Variants in ANKS1B observed in about 807,000 individuals in gnomAD.
ANKS1B encodes ankyrin repeat and sterile alpha motif domain containing 1B.
A neutral mutation model predicts 148.3 loss-of-function variants in ANKS1B; 36 were observed. That is an observed-to-expected ratio of 0.24 (90% CI 0.19 to 0.32). The LOEUF (loss-of-function observed/expected upper bound fraction) is 0.32, where lower values mean the gene tolerates loss of function less well. ANKS1B is among the 10% of genes least tolerant of loss of function. The pLI is 1.00. For synonymous variants in ANKS1B, 542 were observed against 560.8 expected (o/e 0.97, Z 0.47); for missense variants, 1,157 against 1,542.6 (o/e 0.75, Z 4.19).
At chr12:98,960,390 C>CAAGT (rs1444698623) in intron 17 of ANKS1B, among the ~76,000 whole-genome samples, 1 of 152,160 alleles carries the variant, frequency 6.6e-6, no homozygotes, top group East Asian at 1.9e-4. Context: ...CCAAGACCAC[C>CAAGT]AAGTACCTCT....
At chr12:99,270,468 T>A (rs762863874) in intron 12 of ANKS1B, among the ~76,000 whole-genome samples, 2 of 152,190 alleles carry the variant, frequency 1.3e-5, no homozygotes, top group African/African-American at 2.4e-5. Flanking sequence ...ATTTGTTTTC[T>A]TGCTTATTTT....
chr12:99,148,261 C>T (rs1356209764), intron 15 of ANKS1B, among the ~76,000 whole-genome samples: 1 of 152,002 alleles, frequency 6.6e-6, no homozygotes, highest in Non-Finnish European at 1.5e-5. Context: ...AATTAAAGGC[C>T]TATTCATGTG....
At chr12:98,957,464 T>C (rs1224443449) in intron 17 of ANKS1B, among the ~76,000 whole-genome samples, 2 of 151,902 alleles carry the variant, frequency 1.3e-5, no homozygotes, top group African/African-American at 4.8e-5. Flanking sequence ...GCTCCTGCCT[T>C]AGCCTTCTGA....
intron 12 of ANKS1B, among the ~76,000 whole-genome samples, chr12:99,253,066 G>T (rs923673998): frequency 6.6e-6 from 1 of 151,996 alleles, no homozygotes; most frequent in Non-Finnish European, 1.5e-5. Context: ...TGTACAAAAA[G>T]TGTTTAAAAG....
Position 99,352,471 on chromosome 12 carries a change from A to T in ANKS1B, c.1756+47160T>A, listed in dbSNP as rs150118313. On this transcript the variant is annotated intron_variant, in intron 12 of 26. Transcript: ENST00000683438. ...AGAAACACCAAACGACTTCAAAAAAAACCACACTGACTTGAGTTCTGGCAT... is the reference window on the plus strand; with the variant it reads ...AGAAACACCAAACGACTTCAAAAAATACCACACTGACTTGAGTTCTGGCAT... 3.3e-3 allele frequency among the ~76,000 whole-genome samples: 499 copies of T among 152,176 alleles called. 1 individual carries two copies. The highest frequency in any genetic ancestry group is 0.012 in the African/African-American group (488 of 41,548).
At chr12:99,242,351 T>C (rs569481905) in intron 14 of ANKS1B, among the ~76,000 whole-genome samples, 30 of 152,292 alleles carry the variant, frequency 2.0e-4, no homozygotes, top group African/African-American at 6.7e-4. Flanking sequence ...GTGAAGGACC[T>C]CTTTAACCAG....
chr12:99,344,209 ATG>A (rs376133352), intron 12 of ANKS1B, among the ~76,000 whole-genome samples: 17 of 151,906 alleles, frequency 1.1e-4, no homozygotes, highest in African/African-American at 3.4e-4. Context: ...GTGTATATGC[ATG>A]TGTGTGTGTT....
At chr12:99,849,257 ATG>A (rs148512511) in intron 1 of ANKS1B, among the ~76,000 whole-genome samples, 1 of 152,134 alleles carries the variant, frequency 6.6e-6, no homozygotes, top group Admixed American at 6.5e-5. Flanking sequence ...AAATATATAT[ATG>A]TGTGTGTGTA....
intron 17 of ANKS1B, among the ~76,000 whole-genome samples, chr12:99,001,026 G>A (rs186051302): frequency 3.3e-5 from 5 of 152,036 alleles, no homozygotes; most frequent in African/African-American, 9.6e-5. Flanking sequence ...TCCAATTTAC[G>A]TATTCATCCA....
At chr12:99,649,285 T>A in intron 9 of ANKS1B, 1 of 1,611,684 alleles carries the variant, frequency 6.2e-7, no homozygotes, top group Non-Finnish European at 8.5e-7. Context: ...GTTCTCTCCC[T>A]AGGGATATGC....
At chr12:99,626,309 G>C (rs1332532747) in intron 9 of ANKS1B, among the ~76,000 whole-genome samples, 1 of 152,022 alleles carries the variant, frequency 6.6e-6, no homozygotes, top group Non-Finnish European at 1.5e-5. Flanking sequence ...GTCCACCATT[G>C]CCATGAAAAA....
intron 26 of ANKS1B, among the ~76,000 whole-genome samples, chr12:98,749,800 T>C (rs1353262720): frequency 1.3e-5 from 2 of 152,128 alleles, no homozygotes; most frequent in Admixed American, 1.3e-4. Context: ...CAAGGAGCTA[T>C]ACTGCATAGG....
At chr12:99,153,241 T>TA (rs2075396362) in intron 15 of ANKS1B, among the ~76,000 whole-genome samples, 1 of 152,124 alleles carries the variant, frequency 6.6e-6, no homozygotes, top group African/African-American at 2.4e-5. Context: ...AGATAGAAAT[T>TA]AAAAAATCTA....
intron 14 of ANKS1B, among the ~76,000 whole-genome samples, chr12:99,206,603 A>G (rs926718868): frequency 2.0e-5 from 3 of 152,188 alleles, no homozygotes; most frequent in Non-Finnish European, 2.9e-5. Context: ...TCCACCCCGA[A>G]GGTAAAAAGA....
At chr12:98,756,992 G>T (rs1037981657) in intron 25 of ANKS1B, among the ~76,000 whole-genome samples, 1 of 151,418 alleles carries the variant, frequency 6.6e-6, no homozygotes, top group Non-Finnish European at 1.5e-5. Context: ...GCCTCCCAAA[G>T]TGCTGGGATT....
At chr12:99,106,988 G>T (rs2059357464) in intron 15 of ANKS1B, among the ~76,000 whole-genome samples, 1 of 152,108 alleles carries the variant, frequency 6.6e-6, no homozygotes, top group Non-Finnish European at 1.5e-5. Context: ...CCAGACGTCT[G>T]CTCTAGCTGC....
chr12:99,562,778 C>T (rs908010460), intron 9 of ANKS1B, among the ~76,000 whole-genome samples: 13 of 152,144 alleles, frequency 8.5e-5, no homozygotes, highest in Non-Finnish European at 1.5e-4. Context: ...CAATTACTTC[C>T]CATGAGGTCC....
At chr12:99,073,180 T>C (rs1246457821) in intron 16 of ANKS1B, among the ~76,000 whole-genome samples, 1 of 152,214 alleles carries the variant, frequency 6.6e-6, no homozygotes, top group African/African-American at 2.4e-5. Context: ...AATCATTACA[T>C]CCATTCTAAA....
At chr12:99,335,494 G>T (rs2088633745) in intron 12 of ANKS1B, among the ~76,000 whole-genome samples, 1 of 150,596 alleles carries the variant, frequency 6.6e-6, no homozygotes, top group Admixed American at 6.7e-5. Flanking sequence ...GCTCCCACCT[G>T]GTTCCCAGCT....
Sources: gnomAD v4.1 joint callset for allele counts (sites outside exome capture counted in the v4.1 genomes callset) on GRCh38, gnomAD v4.1.1 for gene constraint, MANE v1.5 for transcripts, NCBI Gene and HGNC (gene_info 2026-07-23, HGNC 2026-07-21) for gene names.